C1QTNF3: variants seen among roughly 807,000 people sequenced by gnomAD.
C1QTNF3 encodes C1q and TNF related 3.
A neutral mutation model predicts 32.6 loss-of-function variants in C1QTNF3; 26 were observed. That is an observed-to-expected ratio of 0.80 (90% CI 0.58 to 1.11). The LOEUF (loss-of-function observed/expected upper bound fraction) is 1.11, where lower values mean the gene tolerates loss of function less well. C1QTNF3 is among the 50% of genes least tolerant of loss of function. The pLI, the probability that C1QTNF3 is intolerant of heterozygous loss-of-function variation, is 0.00. For missense variants in C1QTNF3, 362 were observed against 398.2 expected (o/e 0.91, Z 0.77); for synonymous variants, 155 against 146.0 (o/e 1.06, Z -0.44).
chr5:34,124,425 T>C, the C1QTNF3 span: 7 of 716,460 alleles, frequency 9.8e-6, no homozygotes, highest in Admixed American at 2.0e-5. Flanking sequence ...TACCTGCTTC[T>C]GGAGAGGCCT....
the C1QTNF3 span, among the ~76,000 whole-genome samples, chr5:34,214,742 T>TGCA: frequency 1.3e-5 from 2 of 152,178 alleles, no homozygotes; most frequent in Admixed American, 1.3e-4. Flanking sequence ...CATCCTCAGA[T>TGCA]GCATCTCTAA....
At chr5:34,120,354 T>C in the C1QTNF3 span, among the ~76,000 whole-genome samples, 4 of 152,194 alleles carry the variant, frequency 2.6e-5, no homozygotes, top group African/African-American at 9.7e-5. Flanking sequence ...CTTGTGAAAT[T>C]TTCATAAATC....
the C1QTNF3 span, among the ~76,000 whole-genome samples, chr5:34,066,799 C>A: frequency 6.6e-6 from 1 of 152,178 alleles, no homozygotes; most frequent in Non-Finnish European, 1.5e-5. Context: ...AAATTTGGCT[C>A]TTTCTTACTT....
the C1QTNF3 span, among the ~76,000 whole-genome samples, chr5:34,103,594 G>C: frequency 7.8e-6 from 1 of 128,424 alleles, no homozygotes; most frequent in South Asian, 2.6e-4. Context: ...CGAGGTGGGA[G>C]GTCACCTGAG....
the C1QTNF3 span, among the ~76,000 whole-genome samples, chr5:34,074,842 A>G: frequency 6.6e-6 from 1 of 151,496 alleles, no homozygotes; most frequent in East Asian, 1.9e-4. Flanking sequence ...AGAGAGAGAA[A>G]TAAAATAAAA....
chr5:34,213,620 A>G, the C1QTNF3 span, among the ~76,000 whole-genome samples: 3 of 149,188 alleles, frequency 2.0e-5, no homozygotes, highest in Non-Finnish European at 1.5e-5. Flanking sequence ...GAATCAAACC[A>G]TATGTGTGAC....
At chr5:34,146,934 T>C in the C1QTNF3 span, among the ~76,000 whole-genome samples, 20 of 152,248 alleles carry the variant, frequency 1.3e-4, no homozygotes, top group African/African-American at 4.8e-4. Flanking sequence ...CTGACAAAAG[T>C]CTGATATCCA....
chr5:34,224,650 T>C, the C1QTNF3 span, among the ~76,000 whole-genome samples: 1 of 152,112 alleles, frequency 6.6e-6, no homozygotes, highest in Non-Finnish European at 1.5e-5. Context: ...CAAAAATTAA[T>C]TCAAGATGGA....
chr5:34,111,364 A>C, the C1QTNF3 span, among the ~76,000 whole-genome samples: 6 of 152,146 alleles, frequency 3.9e-5, no homozygotes, highest in South Asian at 1.2e-3. Flanking sequence ...TCAGCTCATT[A>C]ATTCCTGAAA....
chr5:34,148,225 A>T, the C1QTNF3 span, among the ~76,000 whole-genome samples: 2 of 146,340 alleles, frequency 1.4e-5, no homozygotes, highest in Non-Finnish European at 3.0e-5. Context: ...AATCTCGCTG[A>T]TTGCTAGCAC....
the C1QTNF3 span, among the ~76,000 whole-genome samples, chr5:34,178,240 C>T: frequency 7.9e-5 from 12 of 151,582 alleles, no homozygotes; most frequent in African/African-American, 2.7e-4. Context: ...AAGATTGCAC[C>T]ACTACACTCC....
At chr5:34,198,857 T>C in the C1QTNF3 span, among the ~76,000 whole-genome samples, 1 of 72,874 alleles carries the variant, frequency 1.4e-5, no homozygotes, top group Non-Finnish European at 2.7e-5. Flanking sequence ...ACAGTGAACT[T>C]TATCGCTGAA....
the C1QTNF3 span, among the ~76,000 whole-genome samples, chr5:34,160,559 C>T: frequency 1.8e-4 from 28 of 152,242 alleles, no homozygotes; most frequent in Middle Eastern, 6.8e-3. Context: ...TAAGGGGACG[C>T]AGTGTGGCGT....
At chr5:34,048,939 A>G in the C1QTNF3 span, among the ~76,000 whole-genome samples, 3 of 152,206 alleles carry the variant, frequency 2.0e-5, no homozygotes, top group Non-Finnish European at 4.4e-5. Flanking sequence ...CACATCACCC[A>G]GGTTGGTCTG....
chr5:34,164,076 GA>G, the C1QTNF3 span, among the ~76,000 whole-genome samples: 345 of 152,228 alleles, frequency 2.3e-3, 1 homozygote, highest in African/African-American at 7.5e-3. Flanking sequence ...GCTTGAATAT[GA>G]AATGTGAAAA....
chr5:34,108,614 A>C, the C1QTNF3 span, among the ~76,000 whole-genome samples: 2 of 152,012 alleles, frequency 1.3e-5, no homozygotes, highest in African/African-American at 4.8e-5. Flanking sequence ...TTAAGTCTTA[A>C]GGAAGACAAA....
chr5:34,056,454 G>GTGTGTATATATATATATATATA, the C1QTNF3 span, among the ~76,000 whole-genome samples: 2 of 48,970 alleles, frequency 4.1e-5, no homozygotes, highest in Non-Finnish European at 7.3e-5. Context: ...GTGTGTGTGT[G>GTGTGTATATATATATATATATA]TATATATATA....
the C1QTNF3 span, among the ~76,000 whole-genome samples, chr5:34,178,104 T>TG: frequency 1.3e-5 from 1 of 76,502 alleles, no homozygotes; most frequent in East Asian, 4.2e-4. Context: ...TCATCTCTAC[T>TG]AAAAAAAAAA....
the C1QTNF3 span, among the ~76,000 whole-genome samples, chr5:34,229,961 C>G: frequency 2.0e-5 from 3 of 152,076 alleles, no homozygotes; most frequent in Non-Finnish European, 2.9e-5. Context: ...CTCTTTCTCT[C>G]TCCATAAACA....
Sources: allele counts gnomAD v4.1 joint callset (sites outside exome capture counted in the v4.1 genomes callset), GRCh38; gene constraint gnomAD v4.1.1; transcripts MANE v1.5; gene names NCBI Gene and HGNC (gene_info 2026-07-23, HGNC 2026-07-21).